Variants in SPATA31D4 observed in about 807,000 individuals in gnomAD.
The protein encoded by SPATA31D4 is SPATA31 subfamily D member 4, also known as spermatogenesis-associated protein 31D4.
For missense variants in SPATA31D4, 73 were observed against 279.1 expected (o/e 0.26, Z 5.26); for synonymous variants, 23 against 102.8 (o/e 0.22, Z 4.70).
Position 81,930,726 on chromosome 9 carries a change from C to G in SPATA31D4, c.565C>G (p.Pro189Ala). ...EDLILSSRPKPSPPPPLILSP... is the reference protein window; with the variant it reads ...EDLILSSRPKASPPPPLILSP... ...CCTAATATTGTCCTCTCGGCCTAAG[C>G]CCTCTCCACCACCCCCCTTAATTCT... Residue 189 changes from proline to alanine, a missense_variant, in exon 4 of 4, where the codon CCC becomes GCC. By Grantham distance (27) the Pro-to-Ala change is conservative. Coordinates refer to ENST00000419782, the MANE Select transcript of SPATA31D4 (RefSeq NM_001145197.1). The G allele has an allele frequency of 1.0e-3, 1 of 976 alleles. No homozygotes were observed. The highest frequency in any genetic ancestry group is 0.021 in the South Asian group (1 of 48). The allele number at this position is 976 out of a possible 1,614,324, so 0.1% of individuals were successfully genotyped here.
At position 81,934,124 on chromosome 9, in the gene SPATA31D4, C is replaced by A. The variant is rs566919872; in HGVS notation, c.*1209C>A. The A allele has an allele frequency of 9.5e-6, 4 of 420,548 alleles. No homozygotes were observed. Among genetic ancestry groups the A allele is most frequent in the South Asian group, 8.4e-5 (3 of 35,596 alleles). 26.1% of individuals were successfully genotyped at this position (420,548 alleles called of 1,614,324 possible). Reference sequence around the variant, plus strand: ...CCCTTTAAGACCCAATGGAGGAGAGCTTGGTGGAGGGGATGCAGGGTTGGG... The same window carrying A: ...CCCTTTAAGACCCAATGGAGGAGAGATTGGTGGAGGGGATGCAGGGTTGGG... On this transcript the variant is annotated 3_prime_UTR_variant, in exon 4 of 4. Transcript: ENST00000419782.
chr9:81,933,051 A>T lies in SPATA31D4; in HGVS notation c.*136A>T, dbSNP rs1321296827. On this transcript the variant is annotated 3_prime_UTR_variant, in exon 4 of 4. Transcript: ENST00000419782. Reference sequence around the variant, plus strand: ...TTTATTTCTCAGGGAGATTCCAAAGATGGGGTCTCTAAGTCTCATAGACGA... The same window carrying T: ...TTTATTTCTCAGGGAGATTCCAAAGTTGGGGTCTCTAAGTCTCATAGACGA... 1 of 1,501,830 alleles carries T rather than the reference A, an allele frequency of 6.7e-7. No individual in the cohort carries two copies. 93.0% of individuals were successfully genotyped at this position (1,501,830 alleles called of 1,614,324 possible).
In SPATA31D4 at chr9:81,932,959, A is replaced by T. The variant is rs760122334; in HGVS notation, c.*44A>T. 2.8e-5 allele frequency: 43 copies of T among 1,512,358 alleles called. 3 individuals are homozygous for T. The African/African-American group carries it at 3.2e-4, about 11-fold the overall frequency. The allele number at this position is 1,512,358 out of a possible 1,614,324, so 93.7% of individuals were successfully genotyped here. A position where few individuals can be genotyped will look rare whatever the true frequency, so the allele number is the denominator to read the frequency against. The stretch of plus-strand genomic sequence containing the variant: ...CCCGCAAGATCCGTGAACCCATAGA[A>T]ATCTTCAAATCAGAAGAGGATATTT... On this transcript the variant is annotated 3_prime_UTR_variant, in exon 4 of 4. Coordinates refer to ENST00000419782, the MANE Select transcript of SPATA31D4 (RefSeq NM_001145197.1).
chr9:81,933,841 G>A lies in SPATA31D4; in HGVS notation c.*926G>A. 1.3e-5 allele frequency: 1 copy of A among 75,504 alleles called. No individual in the cohort carries two copies. Among genetic ancestry groups the A allele is most frequent in the Non-Finnish European group, 2.3e-5 (1 of 42,780 alleles). The allele number at this position is 75,504 out of a possible 1,614,324, so 4.7% of individuals were successfully genotyped here. A position where few individuals can be genotyped will look rare whatever the true frequency, so the allele number is the denominator to read the frequency against. The stretch of plus-strand genomic sequence containing the variant: ...AAAATCAGATGTTGAGCCAGTTAAA[G>A]TTGGTCCAGAGGAAGCATAGCCAAC... On this transcript the variant is annotated 3_prime_UTR_variant, in exon 4 of 4. Transcript: ENST00000419782.
In SPATA31D4 at chr9:81,932,796, G is replaced by A. The variant is rs1282388398; in HGVS notation, c.2635G>A (p.Glu879Lys). The change falls in exon 4 of 4, where the codon GAG becomes AAG. Residue 879 changes from glutamate (E) to lysine (K), a missense_variant. Glu to Lys is a moderately conservative substitution (Grantham distance 56, BLOSUM62 1). Coordinates refer to ENST00000419782, the MANE Select transcript of SPATA31D4 (RefSeq NM_001145197.1). The stretch of plus-strand genomic sequence containing the variant: ...TCGAAATTTGGCAGCATTGGTGAGT[G>A]AGGACCACGGCGTTGATACCTCCCA... Reference protein sequence around the residue: ...KHRNLAALVSEDHGVDTSQEM... With the variant: ...KHRNLAALVSKDHGVDTSQEM... 4 of 1,533,256 alleles carry A rather than the reference G, an allele frequency of 2.6e-6. No homozygotes were observed. Among genetic ancestry groups the A allele is most frequent in the Non-Finnish European group, 2.7e-6 (3 of 1,118,994 alleles). The allele number at this position is 1,533,256 out of a possible 1,614,324, so 95.0% of individuals were successfully genotyped here.
Position 81,930,287 on chromosome 9 carries a change from A to C in SPATA31D4, c.293+127A>C, listed in dbSNP as rs1232070695. On this transcript the variant is annotated intron_variant, in intron 3 of 3. Coordinates refer to ENST00000419782, the MANE Select transcript of SPATA31D4 (RefSeq NM_001145197.1). ...GCTGTAGTTTTGGGAGTGGGTAGCC[A>C]TAGGAACGGATATGTGAATGAATGC... 16 of 186,526 alleles carry C rather than the reference A, an allele frequency of 8.6e-5. 1 individual carries two copies. In the African/African-American group the frequency reaches 2.1e-3, roughly 24 times the overall value. The allele number at this position is 186,526 out of a possible 1,614,324, so 11.6% of individuals were successfully genotyped here. A position where few individuals can be genotyped will look rare whatever the true frequency, so the allele number is the denominator to read the frequency against.
In SPATA31D4 at chr9:81,932,818, C is replaced by T. The variant is rs1414152199; in HGVS notation, c.2657C>T (p.Ser886Phe). 4.6e-6 allele frequency: 7 copies of T among 1,533,210 alleles called. 2 individuals are homozygous for T. The highest frequency in any genetic ancestry group is 6.3e-6 in the Non-Finnish European group (7 of 1,118,668). 95.0% of individuals were successfully genotyped at this position (1,533,210 alleles called of 1,614,324 possible). Residue 886 changes from serine to phenylalanine, a missense_variant, in exon 4 of 4, where the codon TCC becomes TTC. Coordinates refer to ENST00000419782, the MANE Select transcript of SPATA31D4 (RefSeq NM_001145197.1). ...LVSEDHGVDT[S>F]QEMSFLSSNK... The stretch of plus-strand genomic sequence containing the variant: ...AGTGAGGACCACGGCGTTGATACCT[C>T]CCAGGAGATGTCCTTCCTTAGTTCC...
Position 81,933,086 on chromosome 9 carries a change from C to T in SPATA31D4, c.*171C>T, listed in dbSNP as rs1029642363. ...TAAGTCTCATAGACGAAGCACTTTT[C>T]AAGGAGAAAAGTTGGGAACAACAAG... is the stretch of plus-strand genomic sequence containing the variant. On this transcript the variant is annotated 3_prime_UTR_variant, in exon 4 of 4. Coordinates refer to ENST00000419782, the MANE Select transcript of SPATA31D4 (RefSeq NM_001145197.1). 16 of 1,457,348 alleles carry T rather than the reference C, an allele frequency of 1.1e-5. 2 individuals carry two copies. In the Admixed American group the frequency reaches 2.8e-4, roughly 26 times the overall value. 90.3% of individuals were successfully genotyped at this position (1,457,348 alleles called of 1,614,324 possible).
Position 81,934,144 on chromosome 9 carries a change from G to T in SPATA31D4, c.*1229G>T, listed in dbSNP as rs1452605733. 2.3e-5 allele frequency: 10 copies of T among 426,594 alleles called. 1 individual carries two copies. The highest frequency in any genetic ancestry group is 4.5e-5 in the Non-Finnish European group (10 of 221,652). 26.4% of individuals were successfully genotyped at this position (426,594 alleles called of 1,614,324 possible). On this transcript the variant is annotated 3_prime_UTR_variant, in exon 4 of 4. Coordinates refer to ENST00000419782, the MANE Select transcript of SPATA31D4 (RefSeq NM_001145197.1). ...GAGAGCTTGGTGGAGGGGATGCAGG[G>T]TTGGGGACATCCCAACTCACTAGAA...
At position 81,934,581 on chromosome 9, in the gene SPATA31D4, A is replaced by T. The variant is rs1305341348; in HGVS notation, c.*1666A>T. 2.1e-6 allele frequency: 2 copies of T among 930,858 alleles called. 1 individual carries two copies. The highest frequency in any genetic ancestry group is 3.2e-6 in the Non-Finnish European group (2 of 623,846). The allele number at this position is 930,858 out of a possible 1,614,324, so 57.7% of individuals were successfully genotyped here. A position where few individuals can be genotyped will look rare whatever the true frequency, so the allele number is the denominator to read the frequency against. ...GTGCAGGTCAGAGCAGAGCCCTTCCAGGGCTATCCCCGCAACTACACAGCT... is the reference window on the plus strand; with the variant it reads ...GTGCAGGTCAGAGCAGAGCCCTTCCTGGGCTATCCCCGCAACTACACAGCT... On this transcript the variant is annotated 3_prime_UTR_variant, in exon 4 of 4. Coordinates refer to ENST00000419782, the MANE Select transcript of SPATA31D4 (RefSeq NM_001145197.1).
Position 81,933,063 on chromosome 9 carries a change from A to C in SPATA31D4, c.*148A>C. On this transcript the variant is annotated 3_prime_UTR_variant, in exon 4 of 4. Coordinates refer to ENST00000419782, the MANE Select transcript of SPATA31D4 (RefSeq NM_001145197.1). ...GGAGATTCCAAAGATGGGGTCTCTA[A>C]GTCTCATAGACGAAGCACTTTTCAA... is the stretch of plus-strand genomic sequence containing the variant. 6.6e-7 allele frequency: 1 copy of C among 1,512,112 alleles called. No homozygotes were observed. The highest frequency in any genetic ancestry group is 9.1e-7 in the Non-Finnish European group (1 of 1,095,788). 93.7% of individuals were successfully genotyped at this position (1,512,112 alleles called of 1,614,324 possible).
At position 81,932,999 on chromosome 9, in the gene SPATA31D4, C is replaced by G; in HGVS notation, c.*84C>G. On this transcript the variant is annotated 3_prime_UTR_variant, in exon 4 of 4. Coordinates refer to ENST00000419782, the MANE Select transcript of SPATA31D4 (RefSeq NM_001145197.1). ...AGAGGATATTTCCAATTCCTTTTCC[C>G]ATTTCTACCTTCCCTCCTCAGCCAG... 6.9e-7 allele frequency: 1 copy of G among 1,456,734 alleles called. No homozygotes were observed. The highest frequency in any genetic ancestry group is 2.3e-5 in the East Asian group (1 of 43,642). The allele number at this position is 1,456,734 out of a possible 1,614,324, so 90.2% of individuals were successfully genotyped here.
At position 81,934,123 on chromosome 9, in the gene SPATA31D4, G is replaced by T. The variant is rs1823820072; in HGVS notation, c.*1208G>T. 3 of 420,668 alleles carry T rather than the reference G, an allele frequency of 7.1e-6. 1 individual carries two copies. The highest frequency in any genetic ancestry group is 5.6e-5 in the South Asian group (2 of 35,736). The allele number at this position is 420,668 out of a possible 1,614,324, so 26.1% of individuals were successfully genotyped here. On this transcript the variant is annotated 3_prime_UTR_variant, in exon 4 of 4. Coordinates refer to ENST00000419782, the MANE Select transcript of SPATA31D4 (RefSeq NM_001145197.1). ...GCCCTTTAAGACCCAATGGAGGAGA[G>T]CTTGGTGGAGGGGATGCAGGGTTGG... is the stretch of plus-strand genomic sequence containing the variant.
rs750346063 is a variant in SPATA31D4 at position 81,932,714 on chromosome 9, G to A, written c.2553G>A (p.Trp851Ter). The A allele has an allele frequency of 1.3e-6, 2 of 1,518,986 alleles. No homozygotes were observed. Among genetic ancestry groups the A allele is most frequent in the Non-Finnish European group, 1.8e-6 (2 of 1,110,980 alleles). The allele number at this position is 1,518,986 out of a possible 1,614,324, so 94.1% of individuals were successfully genotyped here. Residue 851 changes from tryptophan to a stop codon, truncating the protein, a stop_gained, in exon 4 of 4, where the codon TGG becomes TGA. Coordinates refer to ENST00000419782, the MANE Select transcript of SPATA31D4 (RefSeq NM_001145197.1). LOFTEE classifies it low-confidence loss of function (END_TRUNC). ...GRMPGTVHSSWHSVKQTICLP... is the reference protein window; with the variant it reads ...GRMPGTVHSS ...TGCCTGGGACTGTGCATAGTTCATGGCACTCAGTCAAGCAGACAATATGTC... is the reference window on the plus strand; with the variant it reads ...TGCCTGGGACTGTGCATAGTTCATGACACTCAGTCAAGCAGACAATATGTC...
rs1823824706 is a variant in SPATA31D4, at chr9:81,934,206, T to G, written c.*1291T>G. On this transcript the variant is annotated 3_prime_UTR_variant, in exon 4 of 4. Coordinates refer to ENST00000419782, the MANE Select transcript of SPATA31D4 (RefSeq NM_001145197.1). ...GTTCATAACAAGGCATCAGGAGAGG[T>G]GCCTGGGAGCAAATCTTCCCCAACC... The G allele has an allele frequency of 8.5e-6, 3 of 351,912 alleles. No homozygotes were observed. The highest frequency in any genetic ancestry group is 1.7e-5 in the Non-Finnish European group (3 of 175,864). 21.8% of individuals were successfully genotyped at this position (351,912 alleles called of 1,614,324 possible).
rs1313588845 is a variant in SPATA31D4 at position 81,933,118 on chromosome 9, C to A, written c.*203C>A. On this transcript the variant is annotated 3_prime_UTR_variant, in exon 4 of 4. Coordinates refer to ENST00000419782, the MANE Select transcript of SPATA31D4 (RefSeq NM_001145197.1). ...AAAAGTTGGGAACAACAAGCTCAGTCCCTGTCCTTAATCATCCTCAGCCTG... is the reference window on the plus strand; with the variant it reads ...AAAAGTTGGGAACAACAAGCTCAGTACCTGTCCTTAATCATCCTCAGCCTG... 154 of 1,135,268 alleles carry A rather than the reference C, an allele frequency of 1.4e-4. 6 individuals are homozygous for A. Among genetic ancestry groups the A allele is most frequent in the Non-Finnish European group, 1.9e-4 (148 of 771,030 alleles). 70.3% of individuals were successfully genotyped at this position (1,135,268 alleles called of 1,614,324 possible).
In SPATA31D4 at chr9:81,932,825, G is replaced by C. The variant is rs370889395; in HGVS notation, c.2664G>C (p.Glu888Asp). The change falls in exon 4 of 4, where the codon GAG becomes GAC. Residue 888 changes from glutamate (E) to aspartate (D), a missense_variant. Transcript: ENST00000419782. ...SEDHGVDTSQ[E>D]MSFLSSNKQK... is the part of the protein sequence containing the mutation. ...ACCACGGCGTTGATACCTCCCAGGAGATGTCCTTCCTTAGTTCCAACAAAC... is the reference window on the plus strand; with the variant it reads ...ACCACGGCGTTGATACCTCCCAGGACATGTCCTTCCTTAGTTCCAACAAAC... 2.3e-5 allele frequency: 36 copies of C among 1,532,030 alleles called. 2 individuals are homozygous for C. The East Asian group carries it at 3.0e-4, about 13-fold the overall frequency. The allele number at this position is 1,532,030 out of a possible 1,614,324, so 94.9% of individuals were successfully genotyped here.
At position 81,934,608 on chromosome 9, in the gene SPATA31D4, C is replaced by T. The variant is rs1356000980; in HGVS notation, c.*1693C>T. The T allele has an allele frequency of 1.1e-5, 9 of 841,516 alleles. 1 individual carries two copies. The highest frequency in any genetic ancestry group is 1.5e-5 in the Non-Finnish European group (8 of 545,816). 52.1% of individuals were successfully genotyped at this position (841,516 alleles called of 1,614,324 possible). ...GGCTATCCCCGCAACTACACAGCTCCCTCCCGCAAAGTGACATGTACCAAA... is the reference window on the plus strand; with the variant it reads ...GGCTATCCCCGCAACTACACAGCTCTCTCCCGCAAAGTGACATGTACCAAA... On this transcript the variant is annotated 3_prime_UTR_variant, in exon 4 of 4. Coordinates refer to ENST00000419782, the MANE Select transcript of SPATA31D4 (RefSeq NM_001145197.1).
At position 81,932,945 on chromosome 9, in the gene SPATA31D4, C is replaced by T. The variant is rs748352837; in HGVS notation, c.*30C>T. 77 of 1,511,330 alleles carry T rather than the reference C, an allele frequency of 5.1e-5. 8 individuals are homozygous for T. The South Asian group carries it at 5.2e-4, about 10-fold the overall frequency. The allele number at this position is 1,511,330 out of a possible 1,614,324, so 93.6% of individuals were successfully genotyped here. On this transcript the variant is annotated 3_prime_UTR_variant, in exon 4 of 4. Coordinates refer to ENST00000419782, the MANE Select transcript of SPATA31D4 (RefSeq NM_001145197.1). ...GCTGTGGGGCCTTCCCCGCAAGATCCGTGAACCCATAGAAATCTTCAAATC... is the reference window on the plus strand; with the variant it reads ...GCTGTGGGGCCTTCCCCGCAAGATCTGTGAACCCATAGAAATCTTCAAATC...
Sources: gnomAD v4.1 joint callset for allele counts on GRCh38, gnomAD v4.1.1 for gene constraint, MANE v1.5 for transcripts, NCBI Gene and HGNC (gene_info 2026-07-23, HGNC 2026-07-21) for gene names.